Variants in MAF observed in about 807,000 individuals in gnomAD.
MAF encodes the protein transcription factor Maf.
A neutral mutation model predicts 22.0 loss-of-function variants in MAF; 10 were observed. The ratio of observed to expected loss-of-function variants is 0.45; its 90% confidence interval spans 0.28 to 0.77. The LOEUF is 0.77. Among genes scored for constraint, MAF ranks in the 30% least tolerant of loss-of-function variants. MAF has a pLI of 0.12. For missense variants in MAF, 544 were observed against 548.4 expected (o/e 0.99, Z 0.08); for synonymous variants, 337 against 255.8 (o/e 1.32, Z -3.03).
chr16:79,305,689 T>C, the MAF span, among the ~76,000 whole-genome samples: 5 of 152,174 alleles, frequency 3.3e-5, no homozygotes, highest in Non-Finnish European at 7.3e-5. Context: ...TGAGCTGTAA[T>C]AGACGGGTTC....
chr16:79,334,686 T>C, the MAF span, among the ~76,000 whole-genome samples: 1 of 152,118 alleles, frequency 6.6e-6, no homozygotes, highest in African/African-American at 2.4e-5. Context: ...TGCATTGTTG[T>C]ACAGAGCCCA....
At chr16:79,277,827 A>G in the MAF span, among the ~76,000 whole-genome samples, 29 of 152,328 alleles carry the variant, frequency 1.9e-4, no homozygotes, top group African/African-American at 6.7e-4. Flanking sequence ...AGTGAGGAGA[A>G]GCATCTCACA....
At chr16:79,444,651 G>A in the MAF span, among the ~76,000 whole-genome samples, 5 of 152,210 alleles carry the variant, frequency 3.3e-5, no homozygotes, top group African/African-American at 9.6e-5. Flanking sequence ...AGTGCACCAC[G>A]AGAAATGCTG....
chr16:79,477,979 C>CT, the MAF span, among the ~76,000 whole-genome samples: 1 of 126,358 alleles, frequency 7.9e-6, no homozygotes, highest in Non-Finnish European at 1.9e-5. Flanking sequence ...GCCTCAGCCT[C>CT]CCAACGGCTG....
At chr16:79,516,100 G>A in the MAF span, 1 of 151,944 alleles carries the variant, frequency 6.6e-6, no homozygotes, top group Non-Finnish European at 1.5e-5. Flanking sequence ...TCGATTCTGG[G>A]GCCGAAAGCC....
the MAF span, among the ~76,000 whole-genome samples, chr16:79,242,543 G>A: frequency 1.3e-5 from 2 of 151,862 alleles, no homozygotes; most frequent in African/African-American, 2.4e-5. Context: ...GGAGCACCCA[G>A]ACTCATAAAG....
the MAF span, among the ~76,000 whole-genome samples, chr16:79,529,286 A>T: frequency 6.6e-6 from 1 of 152,174 alleles, no homozygotes; most frequent in African/African-American, 2.4e-5. Context: ...AGATGGATCC[A>T]GTTTGACCCC....
chr16:79,413,391 C>T, the MAF span, among the ~76,000 whole-genome samples: 1 of 136,714 alleles, frequency 7.3e-6, no homozygotes, highest in African/African-American at 2.6e-5. Flanking sequence ...CTACAGGCGC[C>T]TGCCACCTCG....
chr16:79,314,626 A>G, the MAF span, among the ~76,000 whole-genome samples: 1 of 152,200 alleles, frequency 6.6e-6, no homozygotes, highest in East Asian at 1.9e-4. Flanking sequence ...GCCAGAGCCA[A>G]TTCAGGAATC....
downstream of MAF, among the ~76,000 whole-genome samples, chr16:79,584,971 A>G (rs1001511206): frequency 6.6e-6 from 1 of 152,220 alleles, no homozygotes; most frequent in Non-Finnish European, 1.5e-5. Flanking sequence ...TGCAAAGAGC[A>G]GCAATTTGAA....
chr16:79,399,677 T>C, the MAF span, among the ~76,000 whole-genome samples: 1 of 152,124 alleles, frequency 6.6e-6, no homozygotes, highest in Non-Finnish European at 1.5e-5. Context: ...CCAGAGCCCT[T>C]GAGCTAAGAA....
the MAF span, among the ~76,000 whole-genome samples, chr16:79,521,394 A>G: frequency 6.6e-6 from 1 of 152,220 alleles, no homozygotes; most frequent in Non-Finnish European, 1.5e-5. Context: ...GGAAAAATAA[A>G]GATCTCTCAA....
At chr16:79,431,280 A>T in the MAF span, among the ~76,000 whole-genome samples, 3 of 152,348 alleles carry the variant, frequency 2.0e-5, no homozygotes, top group South Asian at 6.2e-4. Flanking sequence ...GAGTTCTGAT[A>T]CTTAGGCTGC....
chr16:79,343,869 G>A, the MAF span, among the ~76,000 whole-genome samples: 1 of 152,130 alleles, frequency 6.6e-6, no homozygotes, highest in African/African-American at 2.4e-5. Context: ...TTTCTTGATA[G>A]ACAACCTCAG....
At chr16:79,292,575 A>G in the MAF span, among the ~76,000 whole-genome samples, 1 of 152,180 alleles carries the variant, frequency 6.6e-6, no homozygotes, top group African/African-American at 2.4e-5. Context: ...TGTATTACCA[A>G]TATAGTCAGA....
chr16:79,281,527 A>AGCTC, the MAF span, among the ~76,000 whole-genome samples: 1 of 150,436 alleles, frequency 6.6e-6, no homozygotes, highest in Non-Finnish European at 1.5e-5. Context: ...GCACCTTGAG[A>AGCTC]AAGCTCACTC....
At chr16:79,244,477 G>C in the MAF span, among the ~76,000 whole-genome samples, 4 of 151,924 alleles carry the variant, frequency 2.6e-5, no homozygotes, top group African/African-American at 7.2e-5. Context: ...TTATTACAAA[G>C]AGAATAAAAT....
the MAF span, among the ~76,000 whole-genome samples, chr16:79,361,908 G>T: frequency 6.6e-6 from 1 of 152,308 alleles, no homozygotes; most frequent in African/African-American, 2.4e-5. Context: ...CGTTTGTCCT[G>T]CAAGCACTGG....
chr16:79,344,050 C>G, the MAF span, among the ~76,000 whole-genome samples: 1 of 152,210 alleles, frequency 6.6e-6, no homozygotes, highest in Non-Finnish European at 1.5e-5. Flanking sequence ...AAAAGAAACT[C>G]TGTGAGCATG....
Sources: gnomAD v4.1 joint callset for allele counts (sites outside exome capture counted in the v4.1 genomes callset) on GRCh38, gnomAD v4.1.1 for gene constraint, MANE v1.5 for transcripts, NCBI Gene and HGNC (gene_info 2026-07-23, HGNC 2026-07-21) for gene names.